Variants in ADARB1 observed in about 807,000 individuals in gnomAD.
ADARB1 encodes the protein adenosine deaminase RNA specific B1.
Under a neutral mutation model 52.4 loss-of-function variants are expected in ADARB1, and 10 were observed. The ratio of observed to expected loss-of-function variants is 0.19; its 90% CI spans 0.12 to 0.32. ADARB1 has a LOEUF of 0.32. Among genes scored for constraint, ADARB1 ranks in the 10% least tolerant of loss-of-function variants. The pLI, the probability that ADARB1 is intolerant of heterozygous loss-of-function variation, is 1.00. For missense variants in ADARB1, 643 were observed against 922.3 expected (o/e 0.70, Z 3.92); for synonymous variants, 349 against 371.1 (o/e 0.94, Z 0.68).
At chr21:45,180,181 A>G in intron 4 of ADARB1, 149 bp from the exon 5 acceptor site, 2 of 652,834 alleles carry the variant, frequency 3.1e-6, no homozygotes, top group Non-Finnish European at 5.6e-6. Flanking sequence ...ACATACACAC[A>G]TACTTGTTTG....
chr21:45,224,832 C>T lies in ADARB1; in HGVS notation c.*2635C>T, dbSNP rs1040616976. The stretch of plus-strand genomic sequence containing the variant: ...GAAAAAAAATAAACAAAATACAGAA[C>T]GCTGACTCCTCCGTGAGACAGATCG... On this transcript the variant is annotated 3_prime_UTR_variant, in exon 11 of 11. Coordinates refer to ENST00000348831, the MANE Select transcript of ADARB1 (RefSeq NM_001112.4). 1.6e-5 allele frequency: 16 copies of T among 985,634 alleles called. No individual in the cohort carries two copies. The highest frequency in any genetic ancestry group is 1.1e-4 in the East Asian group (1 of 8,814). The allele number at this position is 985,634 out of a possible 1,614,324, so 61.1% of individuals were successfully genotyped here. A position where few individuals can be genotyped will look rare whatever the true frequency, so the allele number is the denominator to read the frequency against.
intron 2 of ADARB1, among the ~76,000 whole-genome samples, chr21:45,139,835 T>C (rs759817686): frequency 6.6e-6 from 1 of 152,144 alleles, no homozygotes; most frequent in Non-Finnish European, 1.5e-5. Flanking sequence ...TTATTTCAAA[T>C]TGAGACTTAC....
chr21:45,167,544 A>T (rs1279784354), intron 2 of ADARB1, among the ~76,000 whole-genome samples: 1 of 152,260 alleles, frequency 6.6e-6, no homozygotes, highest in East Asian at 1.9e-4. Flanking sequence ...TGAGGTCAGG[A>T]GTTCAAGACC....
At chr21:45,150,447 T>C in intron 2 of ADARB1, among the ~76,000 whole-genome samples, 1 of 152,384 alleles carries the variant, frequency 6.6e-6, no homozygotes, top group Non-Finnish European at 1.5e-5. Flanking sequence ...GTAGTTAATG[T>C]GAAATGTTTA....
chr21:45,105,480 A>G (rs560155844), intron 1 of ADARB1, among the ~76,000 whole-genome samples: 1 of 152,324 alleles, frequency 6.6e-6, no homozygotes, highest in Admixed American at 6.5e-5. Flanking sequence ...TAAGTATGAT[A>G]CAAGAGGTGG....
chr21:45,169,059 A>G (rs532935618), intron 2 of ADARB1, among the ~76,000 whole-genome samples: 16 of 152,324 alleles, frequency 1.1e-4, no homozygotes, highest in African/African-American at 3.8e-4. Flanking sequence ...CCCTGTTGTG[A>G]GAGGGCCTCA....
rs775372862 is a variant in ADARB1, at chr21:45,185,017, G to A, written c.1491G>A (p.Ala497=). ...GEGTIPVRSN[A]SIQTWDGVLQ... is the part of the protein sequence containing the mutation. ...GGACGATTCCAGTGCGCTCCAATGC[G>A]AGCATCCAAACGTGGGACGGGGTGC... is the stretch of plus-strand genomic sequence containing the variant. The change falls in exon 8 of 11, where the codon GCG becomes GCA. Residue 497 remains alanine, a synonymous_variant. Coordinates refer to ENST00000348831, the MANE Select transcript of ADARB1 (RefSeq NM_001112.4). The A allele has an allele frequency of 1.7e-5, 27 of 1,614,068 alleles. No homozygotes were observed. Among genetic ancestry groups the A allele is most frequent in the South Asian group, 5.5e-5 (5 of 91,088 alleles).
intron 1 of ADARB1, among the ~76,000 whole-genome samples, chr21:45,102,129 C>T (rs191420950): frequency 6.6e-6 from 1 of 152,288 alleles, no homozygotes; most frequent in Non-Finnish European, 1.5e-5. Flanking sequence ...TGGCGTCAAG[C>T]GATCCTCCCT....
chr21:45,215,581 G>C (rs1388332316), intron 9 of ADARB1, among the ~76,000 whole-genome samples: 2 of 152,046 alleles, frequency 1.3e-5, no homozygotes, highest in African/African-American at 4.8e-5. Flanking sequence ...GGGCAATGTA[G>C]TGAGACCCCA....
At position 45,224,795 on chromosome 21, in the gene ADARB1, C is replaced by T; in HGVS notation, c.*2598C>T. 1 of 983,582 alleles carries T rather than the reference C, an allele frequency of 1.0e-6. No individual in the cohort carries two copies. Among genetic ancestry groups the T allele is most frequent in the Non-Finnish European group, 1.2e-6 (1 of 829,388 alleles). 60.9% of individuals were successfully genotyped at this position (983,582 alleles called of 1,614,324 possible). ...GCTCTGCACTGCTCCTAGGACAGCT[C>T]ATCTGTAATCAGAAAAAAAATAAAC... On this transcript the variant is annotated 3_prime_UTR_variant, in exon 11 of 11. Coordinates refer to ENST00000348831, the MANE Select transcript of ADARB1 (RefSeq NM_001112.4).
intron 2 of ADARB1, chr21:45,146,029 G>A (rs976077922): frequency 3.3e-5 from 5 of 151,738 alleles, no homozygotes; most frequent in Non-Finnish European, 7.4e-5. Flanking sequence ...ACTGCCTGTG[G>A]TGGGGTTACG....
intron 2 of ADARB1, among the ~76,000 whole-genome samples, chr21:45,158,404 G>T (rs2090780428): frequency 6.6e-6 from 1 of 152,162 alleles, no homozygotes; most frequent in African/African-American, 2.4e-5. Context: ...TGGAAGTTTT[G>T]CTCTAGGCCT....
intron 2 of ADARB1, among the ~76,000 whole-genome samples, chr21:45,139,219 C>A (rs911188419): frequency 1.3e-5 from 2 of 152,184 alleles, no homozygotes; most frequent in African/African-American, 4.8e-5. Flanking sequence ...CTGCTCCCAG[C>A]CTTGTTTGTC....
At chr21:45,076,154 C>T (rs1182598617) in intron 1 of ADARB1, among the ~76,000 whole-genome samples, 1 of 152,164 alleles carries the variant, frequency 6.6e-6, no homozygotes, top group African/African-American at 2.4e-5. Context: ...CTGCTGTATC[C>T]TTTTTGCCTG....
intron 1 of ADARB1, among the ~76,000 whole-genome samples, chr21:45,095,329 C>T (rs1027251738): frequency 1.3e-5 from 2 of 152,264 alleles, no homozygotes; most frequent in East Asian, 1.9e-4. Flanking sequence ...CAGTGCAGCA[C>T]AGACCTGCTT....
chr21:45,140,182 A>T (rs903854547), intron 2 of ADARB1, among the ~76,000 whole-genome samples: 1 of 152,022 alleles, frequency 6.6e-6, no homozygotes, highest in South Asian at 2.1e-4. Context: ...ACCTCGGGTG[A>T]TCCACCCACC....
At chr21:45,088,394 C>A (rs549169111) in intron 1 of ADARB1, among the ~76,000 whole-genome samples, 1 of 152,090 alleles carries the variant, frequency 6.6e-6, no homozygotes, top group Non-Finnish European at 1.5e-5. Flanking sequence ...ATGGCCAAAG[C>A]GGGTCAATTT....
rs141011512 is a variant in ADARB1, at chr21:45,142,047, C to T, written c.-48+13474C>T. Among the ~76,000 whole-genome samples the T allele has an allele frequency of 3.4e-3, 513 of 152,144 alleles. 3 individuals carry two copies. Among genetic ancestry groups the T allele is most frequent in the African/African-American group, 0.011 (468 of 41,508 alleles). ...AGCCACCCCTGGGCCACTGTAGCCA[C>T]CTCTGGGTGTCCTTAGCCACCCCCG... On this transcript the variant is annotated intron_variant, in intron 2 of 10. Transcript: ENST00000348831. The surrounding 1 kb of genome is among the most constrained non-coding windows in gnomAD (Gnocchi z 4.0).
At chr21:45,215,203 A>G (rs911432117) in intron 9 of ADARB1, among the ~76,000 whole-genome samples, 6 of 152,098 alleles carry the variant, frequency 3.9e-5, no homozygotes, top group Admixed American at 1.3e-4. Context: ...GCATGCCACC[A>G]TGCCTGGTTC....
Sources: allele counts gnomAD v4.1 joint callset (sites outside exome capture counted in the v4.1 genomes callset), GRCh38; gene constraint gnomAD v4.1.1; non-coding constraint Gnocchi (gnomAD v3.1); transcripts MANE v1.5; gene names NCBI Gene and HGNC (gene_info 2026-07-23, HGNC 2026-07-21).